Variants in ANKRD11 observed in about 807,000 individuals in gnomAD.
ANKRD11 encodes ankyrin repeat domain 11, also known as ankyrin repeat domain-containing protein 11.
ANKRD11 carries 17 observed loss-of-function variants against 195.7 expected under a neutral mutation model. The observed-to-expected ratio is 0.09, with a 90% CI of 0.06 to 0.13. The LOEUF (loss-of-function observed/expected upper bound fraction) is 0.13. Ranked by LOEUF, ANKRD11 falls within the 10% of genes least tolerant of loss-of-function variation. The pLI, the probability that ANKRD11 is intolerant of heterozygous loss-of-function variation, is 1.00. For synonymous variants in ANKRD11, 1,953 were observed against 1,528.1 expected (o/e 1.28, Z -6.49); for missense variants, 3,735 against 3,566.1 (o/e 1.05, Z -1.21).
At chr16:89,397,686 G>C (rs1181068763) in intron 2 of ANKRD11, among the ~76,000 whole-genome samples, 1 of 152,252 alleles carries the variant, frequency 6.6e-6, no homozygotes, top group African/African-American at 2.4e-5. Context: ...GTGTGCTTTT[G>C]TGGATGCTGA....
At chr16:89,440,917 G>T (rs1343424251) in intron 1 of ANKRD11, among the ~76,000 whole-genome samples, 7 of 151,974 alleles carry the variant, frequency 4.6e-5, no homozygotes, top group African/African-American at 1.7e-4. Context: ...AACGGAAAGA[G>T]AGAGCGCATC....
rs367770249 is a variant in ANKRD11 at position 89,352,370 on chromosome 16, G to A, written c.-59-35292C>T. Among the ~76,000 whole-genome samples, 124 of 151,650 alleles carry A rather than the reference G, an allele frequency of 8.2e-4. 2 individuals are homozygous for A. In the South Asian group the frequency reaches 0.024, roughly 30 times the overall value. ...GGGTCTAGGCACCGCAATGTCTCAA[G>A]GCAGCCCCCCAAGAAAACCAAGCAG... On this transcript the variant is annotated intron_variant, in intron 2 of 12. Transcript: ENST00000301030.
intron 1 of ANKRD11, among the ~76,000 whole-genome samples, chr16:89,441,235 CA>C (rs879298779): frequency 5.6e-4 from 78 of 138,090 alleles, no homozygotes; most frequent in East Asian, 8.5e-4. Context: ...GACTCCGTCT[CA>C]AAAAAAAAAA....
intron 1 of ANKRD11, among the ~76,000 whole-genome samples, chr16:89,467,234 T>C (rs2056916066): frequency 6.7e-6 from 1 of 149,752 alleles, no homozygotes; most frequent in Non-Finnish European, 1.5e-5. Flanking sequence ...GAGTTTGAGA[T>C]GGGCCAGGGC....
At chr16:89,318,362 C>T (rs1343994723) in intron 2 of ANKRD11, among the ~76,000 whole-genome samples, 1 of 152,230 alleles carries the variant, frequency 6.6e-6, no homozygotes, top group East Asian at 1.9e-4. Flanking sequence ...AGCCACTGTC[C>T]CCCCATCATG....
chr16:89,323,238 G>A (rs919767244), intron 2 of ANKRD11: 19 of 1,210,656 alleles, frequency 1.6e-5, no homozygotes, highest in Middle Eastern at 2.2e-4. Context: ...AAGAAAAAAG[G>A]AGAAAAGGAA....
intron 10 of ANKRD11, 47 bp from the exon 11 acceptor site, chr16:89,275,004 A>G: frequency 6.2e-7 from 1 of 1,612,228 alleles, no homozygotes. Flanking sequence ...GCCACGCTCC[A>G]GGCCCCACTG....
chr16:89,287,193 G>A (rs2034707615), intron 7 of ANKRD11: 9 of 1,021,854 alleles, frequency 8.8e-6, no homozygotes, highest in South Asian at 2.8e-5. Context: ...CACACTCCTC[G>A]GCCCTCCTCT....
At chr16:89,410,378 C>T (rs2042067031) in intron 2 of ANKRD11, among the ~76,000 whole-genome samples, 1 of 152,220 alleles carries the variant, frequency 6.6e-6, no homozygotes, top group Admixed American at 6.5e-5. Flanking sequence ...CAAAGGCTGA[C>T]TGTACCAAGG....
intron 2 of ANKRD11, among the ~76,000 whole-genome samples, chr16:89,340,406 C>G (rs912312318): frequency 6.6e-6 from 1 of 152,238 alleles, no homozygotes; most frequent in Non-Finnish European, 1.5e-5. Flanking sequence ...CCCTGAGTAG[C>G]TGAGATTACA....
At chr16:89,458,277 T>G (rs925100582) in intron 1 of ANKRD11, among the ~76,000 whole-genome samples, 4 of 151,788 alleles carry the variant, frequency 2.6e-5, no homozygotes, top group African/African-American at 7.3e-5. Flanking sequence ...CAGGTTGGAG[T>G]GCAGTGGCGC....
chr16:89,383,820 G>A (rs1358110155), intron 2 of ANKRD11, among the ~76,000 whole-genome samples: 1 of 152,138 alleles, frequency 6.6e-6, no homozygotes, highest in Non-Finnish European at 1.5e-5. Flanking sequence ...GAGGGCAAAG[G>A]TGCAGACTCC....
chr16:89,356,464 T>C (rs1437012148), intron 2 of ANKRD11, among the ~76,000 whole-genome samples: 2 of 151,930 alleles, frequency 1.3e-5, no homozygotes, highest in South Asian at 2.1e-4. Context: ...CTTGTTCCAA[T>C]GTCAGCTCTA....
chr16:89,480,823 C>T (rs2057420870), intron 1 of ANKRD11, among the ~76,000 whole-genome samples: 1 of 152,200 alleles, frequency 6.6e-6, no homozygotes, highest in Non-Finnish European at 1.5e-5. Flanking sequence ...GCAGAGCCAG[C>T]AGGTACCCAT....
intron 1 of ANKRD11, among the ~76,000 whole-genome samples, chr16:89,456,309 G>A (rs1399996054): frequency 6.6e-6 from 1 of 151,968 alleles, no homozygotes; most frequent in African/African-American, 2.4e-5. Flanking sequence ...AGCACTTCGG[G>A]AGGGCAAGAC....
intron 1 of ANKRD11, among the ~76,000 whole-genome samples, chr16:89,435,928 A>G (rs2043198779): frequency 6.6e-6 from 1 of 152,000 alleles, no homozygotes; most frequent in Non-Finnish European, 1.5e-5. Context: ...TCACCTCTAA[A>G]TCACCGCAAG....
In ANKRD11 at chr16:89,412,059, A is replaced by G. The variant is rs145375151; in HGVS notation, c.-60+6225T>C. ...GGTACTGGGCTGAGATGTCTCCCAG[A>G]GTCTCCTGGCCGTGCCCCATCCCTC... is the stretch of plus-strand genomic sequence containing the variant. On this transcript the variant is annotated intron_variant, in intron 2 of 12. Transcript: ENST00000301030. Among the ~76,000 whole-genome samples the G allele has an allele frequency of 5.2e-3, 478 of 91,536 alleles. 16 individuals carry two copies. Among genetic ancestry groups the G allele is most frequent in the African/African-American group, 0.021 (441 of 20,852 alleles). The allele number at this position is 91,536 out of a possible 152,430, so 60.1% of individuals were successfully genotyped here.
intron 1 of ANKRD11, among the ~76,000 whole-genome samples, chr16:89,422,697 C>T (rs996308199): frequency 1.3e-5 from 2 of 152,192 alleles, no homozygotes; most frequent in African/African-American, 4.8e-5. Flanking sequence ...GAATCACAGC[C>T]TCCCTGGGAA....
intron 2 of ANKRD11, among the ~76,000 whole-genome samples, chr16:89,353,506 CT>C (rs2152036500): frequency 6.6e-6 from 1 of 152,060 alleles, no homozygotes; most frequent in South Asian, 2.1e-4. Context: ...GAGACAGAGT[CT>C]TACTGTGTCA....
Sources: allele counts gnomAD v4.1 joint callset (sites outside exome capture counted in the v4.1 genomes callset), GRCh38; gene constraint gnomAD v4.1.1; transcripts MANE v1.5; gene names NCBI Gene and HGNC (gene_info 2026-07-23, HGNC 2026-07-21).